Variants in DOCK4 observed in about 807,000 individuals in gnomAD.
DOCK4 encodes the protein dedicator of cytokinesis protein 4.
DOCK4 carries 97 observed loss-of-function variants against 268.1 expected under a neutral mutation model. That is an observed-to-expected ratio of 0.36 (90% CI 0.31 to 0.43). The LOEUF is 0.43. Among genes scored for constraint, DOCK4 ranks in the 20% least tolerant of loss-of-function variants. The pLI is 1.00. For missense variants in DOCK4, 2,145 were observed against 2,455.7 expected, an observed-to-expected ratio of 0.87 and a Z score of 2.67; for synonymous variants, 954 against 887.2, an observed-to-expected ratio of 1.08 and a Z score of -1.34.
At chr7:111,749,845 G>T (rs1796513400) in intron 42 of DOCK4, among the ~76,000 whole-genome samples, 2 of 152,254 alleles carry the variant, frequency 1.3e-5, no homozygotes, top group South Asian at 4.1e-4. Context: ...GAAGATGCTG[G>T]GGAAATAAGT....
At chr7:111,847,397 T>C (rs144622686) in intron 23 of DOCK4, among the ~76,000 whole-genome samples, 1 of 152,344 alleles carries the variant, frequency 6.6e-6, no homozygotes, top group East Asian at 1.9e-4. Context: ...AATTACATGC[T>C]TCTCTTGCTG....
At chr7:112,123,990 T>C (rs1812986636) in intron 1 of DOCK4, among the ~76,000 whole-genome samples, 1 of 152,162 alleles carries the variant, frequency 6.6e-6, no homozygotes, top group African/African-American at 2.4e-5. Flanking sequence ...ATCATGAGGA[T>C]AGGGTATTAG....
chr7:111,894,019 A>C lies in DOCK4; in HGVS notation c.1587+1593T>G, dbSNP rs549409794. 1.1e-4 allele frequency among the ~76,000 whole-genome samples: 17 copies of C among 152,242 alleles called. No individual in the cohort carries two copies. In the East Asian group the frequency reaches 1.4e-3, roughly 12 times the overall value. On this transcript the variant is annotated intron_variant, in intron 16 of 52. Transcript: ENST00000428084. ...TGGGCGGATCACGAGGTCAGGAGAT[A>C]GAGACCATCCTGGCTGACACGGTGA...
intron 12 of DOCK4, among the ~76,000 whole-genome samples, chr7:111,926,869 G>A (rs1420996035): frequency 1.4e-5 from 2 of 146,280 alleles, no homozygotes; most frequent in East Asian, 2.0e-4. Context: ...GAGAGAGAGA[G>A]AAAGGAAGGA....
intron 13 of DOCK4, among the ~76,000 whole-genome samples, chr7:111,903,916 A>G (rs28457050): frequency 0.013 from 1,968 of 152,346 alleles, 43 homozygotes; most frequent in African/African-American, 0.046. Flanking sequence ...ACACTGACTA[A>G]TGGGAAGTAT....
chr7:112,187,611 C>T (rs903511014), intron 1 of DOCK4, among the ~76,000 whole-genome samples: 4 of 152,150 alleles, frequency 2.6e-5, no homozygotes, highest in East Asian at 1.9e-4. Context: ...GAAGAGTGTG[C>T]TTTTGCGCTC....
intron 26 of DOCK4, among the ~76,000 whole-genome samples, chr7:111,828,560 T>C (rs995240530): frequency 1.3e-5 from 2 of 152,178 alleles, no homozygotes; most frequent in African/African-American, 4.8e-5. Context: ...ACAACATGAA[T>C]ATTCATTTGA....
chr7:111,760,308 C>T lies in DOCK4; in HGVS notation c.4035G>A (p.Val1345=). The change falls in exon 40 of 53, where the codon GTG becomes GTA. Residue 1345 remains valine, a synonymous_variant. Coordinates refer to ENST00000428084, the MANE Select transcript of DOCK4 (RefSeq NM_001363540.2). ...GCCTCTCGTAGTCATGCCCTCGACA[C>T]ACAAACTCCTTATTCTGGAGATGAA... ...FPFFLRNKEF[V]CRGHDYERLE... 6.2e-7 allele frequency: 1 copy of T among 1,613,438 alleles called. No individual in the cohort carries two copies. Among genetic ancestry groups the T allele is most frequent in the Non-Finnish European group, 8.5e-7 (1 of 1,179,568 alleles).
At chr7:112,035,448 A>T (rs77729558) in intron 1 of DOCK4, among the ~76,000 whole-genome samples, 5,876 of 152,314 alleles carry the variant, frequency 0.039, 368 homozygotes, top group African/African-American at 0.13. Flanking sequence ...TATGAATTCT[A>T]TAAAACAAGG....
At chr7:112,087,783 G>C (rs1461990222) in intron 1 of DOCK4, among the ~76,000 whole-genome samples, 1 of 152,050 alleles carries the variant, frequency 6.6e-6, no homozygotes, top group African/African-American at 2.4e-5. Flanking sequence ...CTGAGACCTA[G>C]ACCATCATAT....
intron 1 of DOCK4, among the ~76,000 whole-genome samples, chr7:112,066,690 C>CATATATATATATATATAT (rs751631282): frequency 3.8e-4 from 8 of 20,972 alleles, no homozygotes; most frequent in Admixed American, 6.0e-4. Context: ...TATACATATA[C>CATATATATATATATATAT]ATATATATAT....
chr7:111,903,842 C>A lies in DOCK4; in HGVS notation c.1193-2041G>T, dbSNP rs534385090. 3.9e-5 allele frequency among the ~76,000 whole-genome samples: 6 copies of A among 152,280 alleles called. No individual in the cohort carries two copies. In the East Asian group the frequency reaches 9.6e-4, roughly 24 times the overall value. On this transcript the variant is annotated intron_variant, in intron 13 of 52. Transcript: ENST00000428084. ...TATATTGGCTAAAAACAGCAGAATT[C>A]TTTTGCTTCTTGGAGTAAGTGACAC...
At chr7:111,818,337 G>A (rs1479366173) in intron 27 of DOCK4, among the ~76,000 whole-genome samples, 1 of 152,072 alleles carries the variant, frequency 6.6e-6, no homozygotes, top group Non-Finnish European at 1.5e-5. Context: ...ATCTCCACTT[G>A]AATATCTAGT....
chr7:111,990,685 AT>A (rs1799450874), intron 5 of DOCK4, among the ~76,000 whole-genome samples: 1 of 152,120 alleles, frequency 6.6e-6, no homozygotes, highest in Non-Finnish European at 1.5e-5. Flanking sequence ...AAGGCACTCT[AT>A]TGAGCCCATT....
intron 1 of DOCK4, among the ~76,000 whole-genome samples, chr7:112,144,292 A>G (rs768056466): frequency 6.6e-6 from 1 of 152,204 alleles, no homozygotes; most frequent in African/African-American, 2.4e-5. Context: ...ACTATGAACT[A>G]AGCACTATTC....
At chr7:111,804,165 A>C (rs938053346) in intron 30 of DOCK4, among the ~76,000 whole-genome samples, 33 of 152,248 alleles carry the variant, frequency 2.2e-4, no homozygotes, top group African/African-American at 8.0e-4. Context: ...ACTATTCACA[A>C]TAGACAAAAG....
At chr7:112,079,843 T>A (rs1286393319) in intron 1 of DOCK4, among the ~76,000 whole-genome samples, 1 of 152,216 alleles carries the variant, frequency 6.6e-6, no homozygotes, top group African/African-American at 2.4e-5. Context: ...ATTAATAACA[T>A]CATCTTCATT....
Position 112,090,350 on chromosome 7 carries a change from T to C in DOCK4, c.38-86219A>G, listed in dbSNP as rs188022508. On this transcript the variant is annotated intron_variant, in intron 1 of 52. Coordinates refer to ENST00000428084, the MANE Select transcript of DOCK4 (RefSeq NM_001363540.2). ...AGACATTCTGTACAATATAGAGTTA[T>C]GGATTAAGATCCTGTAATAATTTTG... Among the ~76,000 whole-genome samples, 1,260 of 152,318 alleles carry C rather than the reference T, an allele frequency of 8.3e-3. 19 individuals are homozygous for C. The highest frequency in any genetic ancestry group is 0.029 in the African/African-American group (1,204 of 41,570).
At chr7:111,979,009 G>A (rs1440627200) in intron 7 of DOCK4, among the ~76,000 whole-genome samples, 1 of 152,120 alleles carries the variant, frequency 6.6e-6, no homozygotes, top group Non-Finnish European at 1.5e-5. Context: ...AAATAGTTCA[G>A]GGATTTCAAT....
Sources: allele counts gnomAD v4.1 joint callset (sites outside exome capture counted in the v4.1 genomes callset), GRCh38; gene constraint gnomAD v4.1.1; transcripts MANE v1.5; gene names NCBI Gene and HGNC (gene_info 2026-07-23, HGNC 2026-07-21).